The following SIAE variants were observed in gnomAD, a reference collection of about 807,000 sequenced individuals.
The protein encoded by SIAE is sialate O-acetylesterase.
A neutral mutation model predicts 52.6 loss-of-function variants in SIAE; 39 were observed. That is an observed-to-expected ratio of 0.74 (90% CI 0.57 to 0.97). The LOEUF is 0.97. SIAE is among the 50% of genes least tolerant of loss of function. SIAE has a pLI of 0.00. For synonymous variants in SIAE, 233 were observed against 241.4 expected, an observed-to-expected ratio of 0.97 and a Z score of 0.32; for missense variants, 592 against 662.1, an observed-to-expected ratio of 0.89 and a Z score of 1.16.
intron 2 of SIAE, among the ~76,000 whole-genome samples, chr11:124,667,375 CCAA>C (rs1179680887): frequency 1.3e-5 from 2 of 152,032 alleles, no homozygotes; most frequent in African/African-American, 4.8e-5. Flanking sequence ...TTTAGTTTAC[CCAA>C]CAACATTCTT....
At position 124,643,644 on chromosome 11, in the gene SIAE, T is replaced by A. The variant is rs1014133495; in HGVS notation, c.966+3721A>T. On this transcript the variant is annotated intron_variant, in intron 7 of 9. Coordinates refer to ENST00000263593, the MANE Select transcript of SIAE (RefSeq NM_170601.5). ...ACACACAGGCTCCCAGAGAAAAAAA[T>A]CTTTACTATTACTATGACACAGGCA... Among the ~76,000 whole-genome samples the A allele has an allele frequency of 2.0e-5, 3 of 152,102 alleles. No homozygotes were observed. The South Asian group carries it at 6.2e-4, about 32-fold the overall frequency.
chr11:124,659,654 G>C (rs1321662758), intron 3 of SIAE: 1 of 133,064 alleles, frequency 7.5e-6, no homozygotes, highest in African/African-American at 2.6e-5. Flanking sequence ...AAAAAGGGGG[G>C]GGGGGGGCTT....
At chr11:124,658,360 AT>A (rs1000464609) in intron 3 of SIAE, among the ~76,000 whole-genome samples, 5 of 151,350 alleles carry the variant, frequency 3.3e-5, no homozygotes, top group African/African-American at 1.2e-4. Context: ...GGAGATAACT[AT>A]TAAAAAAAAA....
chr11:124,661,117 G>A (rs1343784219), intron 2 of SIAE, among the ~76,000 whole-genome samples: 1 of 152,148 alleles, frequency 6.6e-6, no homozygotes, highest in Non-Finnish European at 1.5e-5. Context: ...AAACATAAAA[G>A]AGAAATTCTT....
At chr11:124,638,500 C>T (rs1942788104) in intron 9 of SIAE, 42 bp downstream of exon 9, 2 of 1,603,376 alleles carry the variant, frequency 1.2e-6, no homozygotes, top group South Asian at 1.1e-5. Context: ...ATCTTGACTC[C>T]ACCACAAAAT....
intron 7 of SIAE, among the ~76,000 whole-genome samples, chr11:124,646,540 G>A (rs868004839): frequency 7.1e-4 from 108 of 152,082 alleles, no homozygotes; most frequent in African/African-American, 2.5e-3. Context: ...GAGAGAGCAC[G>A]GTGGATTCCA....
chr11:124,655,199 G>C (rs1214796587), intron 3 of SIAE, among the ~76,000 whole-genome samples: 1 of 138,740 alleles, frequency 7.2e-6, no homozygotes, highest in Non-Finnish European at 1.5e-5. Flanking sequence ...TTGTGTGTGA[G>C]ACAGTCTTGC....
chr11:124,635,935 T>A lies in SIAE; in HGVS notation c.*1016A>T, dbSNP rs893094957. ...ACTGAAGGCCTCTTTCATATTTGTA[T>A]CATCTGCATTTTTTTTTATATGCTT... is the stretch of plus-strand genomic sequence containing the variant. On this transcript the variant is annotated 3_prime_UTR_variant, in exon 10 of 10. Coordinates refer to ENST00000263593, the MANE Select transcript of SIAE (RefSeq NM_170601.5). The A allele has an allele frequency of 1.3e-5, 2 of 151,978 alleles. No homozygotes were observed. The highest frequency in any genetic ancestry group is 4.8e-5 in the African/African-American group (2 of 41,282). The allele number at this position is 151,978 out of a possible 1,614,324, so 9.4% of individuals were successfully genotyped here. A position where few individuals can be genotyped will look rare whatever the true frequency, so the allele number is the denominator to read the frequency against.
chr11:124,670,460 GA>G lies in SIAE; in HGVS notation c.68-940del, dbSNP rs1419619935. ...GTGTTCCTCATCAAAACTTAACAAG[GA>G]AAAAAATAAAACAAATTATATCCCA... is the stretch of plus-strand genomic sequence containing the variant. On this transcript the variant is annotated intron_variant, in intron 1 of 9. Transcript: ENST00000263593. This position sits in a 1 kb window ranked among gnomAD's most constrained non-coding sequence, Gnocchi z 4.5. Among the ~76,000 whole-genome samples the G allele has an allele frequency of 6.6e-6, 1 of 151,734 alleles. No individual in the cohort carries two copies. The highest frequency in any genetic ancestry group is 1.5e-5 in the Non-Finnish European group (1 of 67,928).
rs1212686346 is a variant in SIAE at position 124,637,027 on chromosome 11, C to T, written c.1496G>A (p.Ser499Asn). 1.2e-6 allele frequency: 2 copies of T among 1,614,168 alleles called. No homozygotes were observed. Among genetic ancestry groups the T allele is most frequent in the East Asian group, 4.5e-5 (2 of 44,886 alleles). Residue 499 changes from serine (S) to asparagine (N), a missense_variant, in exon 10 of 10, where the codon AGT becomes AAT. Coordinates refer to ENST00000263593, the MANE Select transcript of SIAE (RefSeq NM_170601.5). The stretch of plus-strand genomic sequence containing the variant: ...AATGAAGGGAGGGGCTGGCAGGGCA[C>T]TACTGGGGTGGTATAGGGGACACTG... ...YKQCPLYHPSSALPAPPFIAF... is the reference protein window; with the variant it reads ...YKQCPLYHPSNALPAPPFIAF...
At position 124,637,119 on chromosome 11, in the gene SIAE, G is replaced by T. The variant is rs766811403; in HGVS notation, c.1404C>A (p.Ile468=). ...CAACCACAGTGCCATGACAAGAATC[G>T]ATCGCCAGGGTCAGGGACTGGGTGG... ...TVSTQSLTLA[I]DSCHGTVVAL... The change falls in exon 10 of 10, where the codon ATC becomes ATA. Residue 468 remains isoleucine (I), a synonymous_variant. Coordinates refer to ENST00000263593, the MANE Select transcript of SIAE (RefSeq NM_170601.5). 7.4e-6 allele frequency: 12 copies of T among 1,614,062 alleles called. No individual in the cohort carries two copies. The African/African-American group carries it at 1.6e-4, about 22-fold the overall frequency.
chr11:124,657,747 C>A (rs1337838548), intron 3 of SIAE, among the ~76,000 whole-genome samples: 12 of 152,162 alleles, frequency 7.9e-5, no homozygotes, highest in African/African-American at 2.9e-4. Context: ...TCCTTCTGTA[C>A]CTGACAACAT....
upstream of SIAE, chr11:124,675,698 C>T (rs1016673367): frequency 7.6e-6 from 2 of 262,700 alleles, no homozygotes; most frequent in Non-Finnish European, 1.5e-5. Context: ...GCATACATTT[C>T]TCGGGAGAAA....
chr11:124,665,703 C>T (rs1413582900), intron 2 of SIAE, among the ~76,000 whole-genome samples: 1 of 152,112 alleles, frequency 6.6e-6, no homozygotes, highest in African/African-American at 2.4e-5. Context: ...CCTGTAACCT[C>T]AGCTACTCAG....
At chr11:124,647,690 C>G (rs552499417) in intron 6 of SIAE, among the ~76,000 whole-genome samples, 192 bp from the exon 7 acceptor site, 2 of 152,210 alleles carry the variant, frequency 1.3e-5, no homozygotes, top group South Asian at 4.2e-4. Context: ...CAGGTTTGGG[C>G]TCTGTCCTCT....
intron 7 of SIAE, among the ~76,000 whole-genome samples, chr11:124,643,632 C>A (rs1303721680): frequency 1.3e-5 from 2 of 152,088 alleles, no homozygotes; most frequent in Non-Finnish European, 2.9e-5. Context: ...CACAGGCTCC[C>A]AGAGAAAAAA....
At chr11:124,672,391 C>T (rs1943378225) in intron 1 of SIAE, among the ~76,000 whole-genome samples, 1 of 152,160 alleles carries the variant, frequency 6.6e-6, no homozygotes, top group Non-Finnish European at 1.5e-5. Flanking sequence ...GTACTGCTCT[C>T]ATGGGTGTTC....
Position 124,637,047 on chromosome 11 carries a change from A to G in SIAE, c.1476T>C (p.Cys492=), listed in dbSNP as rs747470616. 43 of 1,614,040 alleles carry G rather than the reference A, an allele frequency of 2.7e-5. No homozygotes were observed. The highest frequency in any genetic ancestry group is 1.6e-4 in the Middle Eastern group (1 of 6,084). Residue 492 remains cysteine (C), a synonymous_variant, in exon 10 of 10, where the codon TGT becomes TGC. Transcript: ENST00000263593. ...WTTWPCEYKQ[C]PLYHPSSALP... is the part of the protein sequence containing the mutation. ...GGGCACTACTGGGGTGGTATAGGGG[A>G]CACTGCTTATATTCACAAGGCCACG...
chr11:124,638,889 T>C, intron 8 of SIAE, 152 bp from the exon 9 acceptor site: 2 of 661,676 alleles, frequency 3.0e-6, no homozygotes, highest in East Asian at 2.7e-5. Flanking sequence ...TCAAGGGAAA[T>C]GGTGAATGGT....
Sources: gnomAD v4.1 joint callset for allele counts (sites outside exome capture counted in the v4.1 genomes callset) on GRCh38, gnomAD v4.1.1 for gene constraint, Gnocchi (gnomAD v3.1) non-coding constraint, MANE v1.5 for transcripts, NCBI Gene and HGNC (gene_info 2026-07-23, HGNC 2026-07-21) for gene names.